The following LMX1B variants were observed in gnomAD, a reference collection of about 807,000 sequenced individuals.
LMX1B encodes the protein LIM homeobox transcription factor 1 beta.
LMX1B carries 12 observed loss-of-function variants against 51.4 expected under a neutral mutation model. The ratio of observed to expected loss-of-function variants is 0.23; its 90% confidence interval spans 0.15 to 0.38. The LOEUF is 0.38. Among genes scored for constraint, LMX1B ranks in the 10% least tolerant of loss-of-function variants. LMX1B has a pLI of 1.00. For missense variants in LMX1B, 445 were observed against 571.1 expected (o/e 0.78, Z 2.25); for synonymous variants, 237 against 235.4 (o/e 1.01, Z -0.06).
intron 2 of LMX1B, among the ~76,000 whole-genome samples, chr9:126,642,798 G>A (rs1460695398): frequency 6.6e-6 from 1 of 152,200 alleles, no homozygotes; most frequent in Non-Finnish European, 1.5e-5. Flanking sequence ...TGCTCATTCA[G>A]AAATTCCCAC....
chr9:126,661,018 G>C (rs919351504), intron 2 of LMX1B, among the ~76,000 whole-genome samples: 2 of 152,214 alleles, frequency 1.3e-5, no homozygotes, highest in Admixed American at 6.5e-5. Context: ...ACTTAGAGCT[G>C]GGATCTGGGA....
chr9:126,618,328 C>T lies in LMX1B; in HGVS notation c.326+2759C>T, dbSNP rs941900245. Among the ~76,000 whole-genome samples, 1 of 152,194 alleles carries T rather than the reference C, an allele frequency of 6.6e-6. No homozygotes were observed. The highest frequency in any genetic ancestry group is 1.5e-5 in the Non-Finnish European group (1 of 68,040). On this transcript the variant is annotated intron_variant, in intron 2 of 7. Coordinates refer to ENST00000373474, the MANE Select transcript of LMX1B (RefSeq NM_001174147.2). The surrounding 1 kb of genome is among the most constrained non-coding windows in gnomAD (Gnocchi z 4.5). ...TTCCTTTCGATTTGTTCTCAAAGAT[C>T]CCAGACACCCAGAAGTGCCAAGTTG...
Position 126,671,093 on chromosome 9 carries a change from C to T in LMX1B, c.327-19743C>T, listed in dbSNP as rs998756110. ...GGCAAGAGAACTATCAGCTGGGACA[C>T]CTCCCATACTCTCCAGAGTTTGGCA... On this transcript the variant is annotated intron_variant, in intron 2 of 7. Coordinates refer to ENST00000373474, the MANE Select transcript of LMX1B (RefSeq NM_001174147.2). The surrounding 1 kb of genome is among the most constrained non-coding windows in gnomAD (Gnocchi z 4.4). Among the ~76,000 whole-genome samples, 5 of 152,172 alleles carry T rather than the reference C, an allele frequency of 3.3e-5. No homozygotes were observed. The highest frequency in any genetic ancestry group is 1.2e-4 in the African/African-American group (5 of 41,516).
rs1836456928 is a variant in LMX1B at position 126,671,743 on chromosome 9, GT to G, written c.327-19092del. ...GGGTCACCAGGCACACAAAGGCAGT[GT>G]AATATCCTGTGGGCTTACTCGGGGA... On this transcript the variant is annotated intron_variant, in intron 2 of 7. Transcript: ENST00000373474. This position sits in a 1 kb window ranked among gnomAD's most constrained non-coding sequence, Gnocchi z 4.4. Among the ~76,000 whole-genome samples, 1 of 152,190 alleles carries G rather than the reference GT, an allele frequency of 6.6e-6. No individual in the cohort carries two copies. Among genetic ancestry groups the G allele is most frequent in the African/African-American group, 2.4e-5 (1 of 41,460 alleles).
intron 2 of LMX1B, among the ~76,000 whole-genome samples, chr9:126,678,309 C>CAAA (rs1365345216): frequency 3.2e-4 from 21 of 65,990 alleles, no homozygotes; most frequent in African/African-American, 1.2e-3. Flanking sequence ...GACTTCGTCT[C>CAAA]AAAAAAAAAA....
chr9:126,685,035 C>A (rs1050704789), intron 2 of LMX1B, among the ~76,000 whole-genome samples: 5 of 152,190 alleles, frequency 3.3e-5, no homozygotes, highest in African/African-American at 1.2e-4. Context: ...CACTAACCAC[C>A]TCCTCCATGC....
At chr9:126,667,607 GAT>G (rs1466378708) in intron 2 of LMX1B, among the ~76,000 whole-genome samples, 2 of 152,252 alleles carry the variant, frequency 1.3e-5, no homozygotes, top group African/African-American at 4.8e-5. Flanking sequence ...CGGTGCTATA[GAT>G]CTGGAGGTGG....
intron 2 of LMX1B, among the ~76,000 whole-genome samples, chr9:126,643,393 G>T (rs1339760657): frequency 6.6e-6 from 1 of 152,108 alleles, no homozygotes. Context: ...ATGCAGACTC[G>T]GCAGTGTGAC....
At chr9:126,643,042 G>A (rs1835836037) in intron 2 of LMX1B, among the ~76,000 whole-genome samples, 1 of 152,250 alleles carries the variant, frequency 6.6e-6, no homozygotes, top group African/African-American at 2.4e-5. Flanking sequence ...GAGGAGCTGA[G>A]GCTGCAGTGG....
At chr9:126,624,164 A>C (rs1835474927) in intron 2 of LMX1B, among the ~76,000 whole-genome samples, 1 of 152,224 alleles carries the variant, frequency 6.6e-6, no homozygotes, top group African/African-American at 2.4e-5. Flanking sequence ...GCTAGGCTGA[A>C]GCCCGGAGTC....
At chr9:126,672,493 T>C (rs1836476215) in intron 2 of LMX1B, among the ~76,000 whole-genome samples, 1 of 152,050 alleles carries the variant, frequency 6.6e-6, no homozygotes, top group Non-Finnish European at 1.5e-5. Flanking sequence ...AGAGAAACAA[T>C]AGTTGCCCCT....
chr9:126,680,103 C>G (rs1021087558), intron 2 of LMX1B, among the ~76,000 whole-genome samples: 16 of 152,226 alleles, frequency 1.1e-4, no homozygotes, highest in Admixed American at 3.9e-4. Context: ...CTTCCACGTG[C>G]GTTGTCAGCC....
rs1407872220 is a variant in LMX1B at position 126,693,237 on chromosome 9, C to G, written c.655C>G (p.Pro219Ala). Residue 219 changes from proline to alanine, a missense_variant, in exon 4 of 8, where the codon CCC becomes GCC. Physicochemically the swap from Pro to Ala is conservative, Grantham distance 27. This residue lies in a region of LMX1B where 273 missense variants were observed against 343.3 expected (regional missense o/e 0.80). Transcript: ENST00000373474. Reference protein sequence around the residue: ...SGDDGKDPRRPKRPRTILTTQ... With the variant: ...SGDDGKDPRRAKRPRTILTTQ... ...GGATGACGGGAAGGACCCGCGGAGG[C>G]CCAAGCGACCCCGGACCATCCTCAC... 6.2e-6 allele frequency: 10 copies of G among 1,611,314 alleles called. No homozygotes were observed. In the East Asian group the frequency reaches 1.1e-4, roughly 18 times the overall value.
chr9:126,639,075 T>G (rs920001844), intron 2 of LMX1B, among the ~76,000 whole-genome samples: 1 of 136,040 alleles, frequency 7.4e-6, no homozygotes, highest in Non-Finnish European at 1.6e-5. Flanking sequence ...GGAAGGAGAA[T>G]TGGAGAGGAG....
intron 2 of LMX1B, among the ~76,000 whole-genome samples, chr9:126,683,683 C>T (rs570778869): frequency 6.6e-6 from 1 of 152,328 alleles, no homozygotes; most frequent in South Asian, 2.1e-4. Context: ...ATCCTGGGCA[C>T]CTCGCCACCA....
intron 2 of LMX1B, among the ~76,000 whole-genome samples, chr9:126,690,122 G>A (rs554831602): frequency 1.3e-5 from 2 of 152,324 alleles, no homozygotes; most frequent in South Asian, 4.1e-4. Flanking sequence ...GCAGCCTGGG[G>A]AAGCAGAGGG....
At chr9:126,649,192 C>T (rs1835958482) in intron 2 of LMX1B, among the ~76,000 whole-genome samples, 1 of 152,152 alleles carries the variant, frequency 6.6e-6, no homozygotes, top group South Asian at 2.1e-4. Context: ...CAGGCCTCCC[C>T]ATCCCTCCTC....
intron 2 of LMX1B, among the ~76,000 whole-genome samples, chr9:126,654,282 C>CCCCT (rs1219623656): frequency 6.6e-6 from 1 of 152,224 alleles, no homozygotes; most frequent in Non-Finnish European, 1.5e-5. Context: ...GGGTTGCTGC[C>CCCCT]CCCTGGCTGG....
chr9:126,674,585 G>T (rs112344858), intron 2 of LMX1B, among the ~76,000 whole-genome samples: 6 of 152,188 alleles, frequency 3.9e-5, no homozygotes, highest in Non-Finnish European at 7.3e-5. Flanking sequence ...CCAGGTGACT[G>T]CCTGCCTGGC....
Sources: gnomAD v4.1 joint callset for allele counts (sites outside exome capture counted in the v4.1 genomes callset) on GRCh38, gnomAD v4.1.1 for gene constraint, gnomAD v4.1.1 regional missense constraint, Gnocchi (gnomAD v3.1) non-coding constraint, MANE v1.5 for transcripts, NCBI Gene and HGNC (gene_info 2026-07-23, HGNC 2026-07-21) for gene names.